CUX2: variants seen among roughly 807,000 people sequenced by gnomAD.
The protein encoded by CUX2 is cut like homeobox 2.
Under a neutral mutation model 144.8 loss-of-function variants are expected in CUX2, and 40 were observed. The ratio of observed to expected loss-of-function variants is 0.28; its 90% CI spans 0.21 to 0.36. The LOEUF is 0.36. CUX2 is among the 10% of genes least tolerant of loss of function. The pLI is 1.00. For missense variants in CUX2, 1,615 were observed against 1,994.0 expected (o/e 0.81, Z 3.62); for synonymous variants, 827 against 875.6 (o/e 0.94, Z 0.98).
chr12:111,139,580 A>G (rs1415931753), intron 1 of CUX2, among the ~76,000 whole-genome samples: 1 of 152,170 alleles, frequency 6.6e-6, no homozygotes, highest in East Asian at 1.9e-4. Flanking sequence ...TTCTGGCTTT[A>G]TCTGATCCAG....
At chr12:111,321,069 C>T (rs1181167955) in intron 17 of CUX2, among the ~76,000 whole-genome samples, 2 of 152,306 alleles carry the variant, frequency 1.3e-5, no homozygotes, top group East Asian at 1.9e-4. Context: ...TGGTGGCTCA[C>T]GCCTGTAATC....
chr12:111,185,844 C>T (rs1049379231), intron 1 of CUX2, among the ~76,000 whole-genome samples: 1 of 152,094 alleles, frequency 6.6e-6, no homozygotes, highest in Non-Finnish European at 1.5e-5. Context: ...CTCCACGGTC[C>T]GAGGGGGCTG....
At chr12:111,140,404 T>C (rs73413589) in intron 1 of CUX2, among the ~76,000 whole-genome samples, 2,120 of 152,292 alleles carry the variant, frequency 0.014, 44 homozygotes, top group African/African-American at 0.047. Context: ...TTTATTCTTT[T>C]TGTGAGTCAC....
rs369474426 is a variant in CUX2, at chr12:111,120,932, C to CG, written c.63+86699dup. Among the ~76,000 whole-genome samples, 188 of 151,960 alleles carry CG rather than the reference C, an allele frequency of 1.2e-3. 1 individual carries two copies. Among genetic ancestry groups the CG allele is most frequent in the African/African-American group, 3.9e-3 (162 of 41,474 alleles). On this transcript the variant is annotated intron_variant, in intron 1 of 21. Coordinates refer to ENST00000261726, the MANE Select transcript of CUX2 (RefSeq NM_015267.4). ...AAACCAAACCACACTGAAACCAGCCCGGGGGGGTCCTGCTGTCTCAGAAGC... is the reference window on the plus strand; with the variant it reads ...AAACCAAACCACACTGAAACCAGCCCGGGGGGGGTCCTGCTGTCTCAGAAGC...
intron 4 of CUX2, among the ~76,000 whole-genome samples, chr12:111,272,458 TTTATTATTA>T (rs555086552): frequency 1.3e-5 from 2 of 151,922 alleles, no homozygotes; most frequent in Non-Finnish European, 2.9e-5. Context: ...GACAGTTAAC[TTTATTATTA>T]TTATTATTAT....
At chr12:111,279,018 A>G (rs1885004743) in intron 4 of CUX2, among the ~76,000 whole-genome samples, 1 of 152,190 alleles carries the variant, frequency 6.6e-6, no homozygotes, top group South Asian at 2.1e-4. Context: ...TCCCTGTACA[A>G]TGTAAAATCT....
At chr12:111,127,113 TAC>T (rs1447399221) in intron 1 of CUX2, among the ~76,000 whole-genome samples, 10 of 152,140 alleles carry the variant, frequency 6.6e-5, no homozygotes, top group Non-Finnish European at 1.3e-4. Context: ...TGTATCTTTA[TAC>T]ACACACACAC....
chr12:111,052,538 T>A (rs1048593729), intron 1 of CUX2, among the ~76,000 whole-genome samples: 3 of 152,190 alleles, frequency 2.0e-5, no homozygotes, highest in Admixed American at 2.0e-4. Flanking sequence ...TGGGTACATA[T>A]CTTTGAGTGT....
At chr12:111,198,741 G>A (rs1034843916) in intron 1 of CUX2, among the ~76,000 whole-genome samples, 3 of 152,210 alleles carry the variant, frequency 2.0e-5, no homozygotes, top group African/African-American at 7.2e-5. Context: ...TGGCAGCACT[G>A]GGGGGGATGG....
At chr12:111,316,368 T>G (rs541740768) in intron 16 of CUX2, among the ~76,000 whole-genome samples, 1 of 146,142 alleles carries the variant, frequency 6.8e-6, no homozygotes, top group South Asian at 2.2e-4. Context: ...CTGGTCTCAA[T>G]CTCCTGACCT....
At chr12:111,268,076 T>C (rs1039054991) in intron 4 of CUX2, among the ~76,000 whole-genome samples, 1 of 152,048 alleles carries the variant, frequency 6.6e-6, no homozygotes, top group Admixed American at 6.6e-5. Flanking sequence ...GGATTACAGG[T>C]GTAAGCCACT....
intron 8 of CUX2, among the ~76,000 whole-genome samples, chr12:111,297,152 T>C (rs1436239278): frequency 3.3e-4 from 35 of 105,720 alleles, no homozygotes; most frequent in African/African-American, 4.8e-4. Flanking sequence ...AGACAGGCCT[T>C]CTCCCTCTGA....
chr12:111,234,162 G>A (rs546901196), intron 3 of CUX2, among the ~76,000 whole-genome samples: 6 of 152,292 alleles, frequency 3.9e-5, no homozygotes, highest in Admixed American at 2.0e-4. Flanking sequence ...CCTGTCTGCT[G>A]CCCTGTGGAC....
At chr12:111,184,573 C>CAAAAAAAAAAAAA (rs71445536) in intron 1 of CUX2, among the ~76,000 whole-genome samples, 1 of 46,910 alleles carries the variant, frequency 2.1e-5, no homozygotes, top group Non-Finnish European at 5.0e-5. Flanking sequence ...TTCTCTCTAC[C>CAAAAAAAAAAAAA]AAAAAAAAAA....
chr12:111,298,612 C>A, intron 9 of CUX2, 23 bp downstream of exon 9: 2 of 1,556,930 alleles, frequency 1.3e-6, no homozygotes, highest in East Asian at 2.4e-5. Flanking sequence ...AGTTCCCACC[C>A]GTGGGTGCCA....
intron 1 of CUX2, among the ~76,000 whole-genome samples, chr12:111,165,315 C>T (rs977765010): frequency 1.3e-5 from 2 of 152,110 alleles, no homozygotes; most frequent in Non-Finnish European, 2.9e-5. Flanking sequence ...CCATGGTGAC[C>T]CACATGGCAG....
At chr12:111,136,788 CAGG>C (rs1462670247) in intron 1 of CUX2, among the ~76,000 whole-genome samples, 9 of 152,172 alleles carry the variant, frequency 5.9e-5, no homozygotes, top group African/African-American at 1.9e-4. Flanking sequence ...ATTTGTTTGT[CAGG>C]AGTTCTTGCC....
At position 111,266,473 on chromosome 12, in the gene CUX2, C is replaced by CAA. The variant is rs57419229; in HGVS notation, c.301+2649_301+2650dup. Among the ~76,000 whole-genome samples the CAA allele has an allele frequency of 1.7e-3, 156 of 93,378 alleles. 2 individuals are homozygous for CAA. Among genetic ancestry groups the CAA allele is most frequent in the African/African-American group, 4.7e-3 (145 of 31,126 alleles). 61.3% of individuals were successfully genotyped at this position (93,378 alleles called of 152,430 possible). A position where few individuals can be genotyped will look rare whatever the true frequency, so the allele number is the denominator to read the frequency against. ...GTGACAGAGCAAGACCCTGTCTCAA[C>CAA]AAAAAAAAAAAAAAAAGAGACGAGG... On this transcript the variant is annotated intron_variant, in intron 4 of 21. Transcript: ENST00000261726.
chr12:111,040,501 G>A (rs866277601), intron 1 of CUX2, among the ~76,000 whole-genome samples: 2 of 151,004 alleles, frequency 1.3e-5, no homozygotes, highest in African/African-American at 4.9e-5. Context: ...CTCTGCCTGC[G>A]ACCCTTTCCC....
Sources: allele counts gnomAD v4.1 joint callset (sites outside exome capture counted in the v4.1 genomes callset), GRCh38; gene constraint gnomAD v4.1.1; transcripts MANE v1.5; gene names NCBI Gene and HGNC (gene_info 2026-07-23, HGNC 2026-07-21).